KLHL32: variants seen among roughly 807,000 people sequenced by gnomAD.
KLHL32 encodes the protein kelch-like protein 32.
In KLHL32, 35 loss-of-function variants were observed where a neutral mutation model predicts 64.8. That is an observed-to-expected ratio of 0.54 (90% confidence interval 0.41 to 0.72). KLHL32 has a LOEUF of 0.72. KLHL32 is among the 30% of genes least tolerant of loss of function. The pLI is 0.00. For synonymous variants in KLHL32, 259 were observed against 281.0 expected, an observed-to-expected ratio of 0.92 and a Z score of 0.78; for missense variants, 589 against 768.5, an observed-to-expected ratio of 0.77 and a Z score of 2.76.
intron 3 of KLHL32, among the ~76,000 whole-genome samples, chr6:97,014,848 G>A (rs1004558315): frequency 1.1e-4 from 16 of 152,208 alleles, no homozygotes; most frequent in African/African-American, 3.9e-4. Context: ...TAGTATGAGA[G>A]CAAAGGTTGT....
In KLHL32 at chr6:96,996,026, G is replaced by C. The variant is rs115930562; in HGVS notation, c.204+19849G>C. Among the ~76,000 whole-genome samples the C allele has an allele frequency of 4.0e-3, 611 of 152,326 alleles. 2 individuals carry two copies. Among genetic ancestry groups the C allele is most frequent in the African/African-American group, 0.014 (579 of 41,574 alleles). ...GAAATGAGGGGCCTCGAGTGGTGGGGACAAGTCAGCCTCTTCTCCCTGCTT... is the reference window on the plus strand; with the variant it reads ...GAAATGAGGGGCCTCGAGTGGTGGGCACAAGTCAGCCTCTTCTCCCTGCTT... On this transcript the variant is annotated intron_variant, in intron 3 of 10. Transcript: ENST00000369261.
At position 96,994,871 on chromosome 6, in the gene KLHL32, A is replaced by C. The variant is rs775219553; in HGVS notation, c.204+18694A>C. ...CAAAGTGCAAAGTAGTTGTGGAAAG[A>C]AGAAAGGGATGAGCTTATGAGTCAG... On this transcript the variant is annotated intron_variant, in intron 3 of 10. Coordinates refer to ENST00000369261, the MANE Select transcript of KLHL32 (RefSeq NM_052904.4). 2.6e-4 allele frequency among the ~76,000 whole-genome samples: 39 copies of C among 152,234 alleles called. 2 individuals carry two copies. The highest frequency in any genetic ancestry group is 2.9e-4 in the Non-Finnish European group (20 of 68,034).
chr6:97,079,300 A>G (rs753965119), intron 5 of KLHL32, among the ~76,000 whole-genome samples: 2 of 152,194 alleles, frequency 1.3e-5, no homozygotes, highest in African/African-American at 2.4e-5. Flanking sequence ...ACCGAGGCCA[A>G]GACTCCTCCT....
chr6:97,009,924 C>T (rs1780152102), intron 3 of KLHL32, among the ~76,000 whole-genome samples: 1 of 151,962 alleles, frequency 6.6e-6, no homozygotes, highest in African/African-American at 2.4e-5. Flanking sequence ...TTGATACCAG[C>T]TCTGGGGACT....
At chr6:97,001,234 C>T (rs1319516115) in intron 3 of KLHL32, among the ~76,000 whole-genome samples, 2 of 152,188 alleles carry the variant, frequency 1.3e-5, no homozygotes, top group Non-Finnish European at 2.9e-5. Flanking sequence ...ACTGGTGGGG[C>T]ATGTTGATGG....
At chr6:97,064,174 T>G (rs1242254540) in intron 4 of KLHL32, among the ~76,000 whole-genome samples, 2 of 152,238 alleles carry the variant, frequency 1.3e-5, no homozygotes, top group African/African-American at 4.8e-5. Flanking sequence ...TCTGGTCTTA[T>G]ATGGCAAGGA....
upstream of KLHL32, among the ~76,000 whole-genome samples, chr6:96,924,295 G>A (rs988724113): frequency 3.3e-5 from 5 of 152,288 alleles, no homozygotes; most frequent in South Asian, 2.1e-4. Context: ...CCTGGGAAAG[G>A]AGTCTGGGGG....
At position 97,074,753 on chromosome 6, in the gene KLHL32, T is replaced by G. The variant is rs532624183; in HGVS notation, c.411+10027T>G. On this transcript the variant is annotated intron_variant, in intron 5 of 10. Coordinates refer to ENST00000369261, the MANE Select transcript of KLHL32 (RefSeq NM_052904.4). ...ATAGATGATAATGACTTCTATACTA[T>G]TCTTTTAAACATTTTTAAACTGATT... Among the ~76,000 whole-genome samples the G allele has an allele frequency of 1.5e-3, 234 of 152,072 alleles. 1 individual carries two copies. Among genetic ancestry groups the G allele is most frequent in the African/African-American group, 5.2e-3 (217 of 41,552 alleles).
intron 7 of KLHL32, among the ~76,000 whole-genome samples, chr6:97,120,495 G>GT (rs1562359492): frequency 1.3e-5 from 2 of 152,146 alleles, no homozygotes; most frequent in East Asian, 3.9e-4. Flanking sequence ...AATTTCTGTC[G>GT]TTTTATGGTG....
chr6:97,128,506 C>T (rs1433549616), intron 8 of KLHL32, among the ~76,000 whole-genome samples: 1 of 152,208 alleles, frequency 6.6e-6, no homozygotes, highest in East Asian at 1.9e-4. Context: ...AAAAATTCTG[C>T]TGGCATATTG....
the KLHL32 span, among the ~76,000 whole-genome samples, chr6:96,905,199 T>G: frequency 6.6e-6 from 1 of 152,134 alleles, no homozygotes; most frequent in African/African-American, 2.4e-5. Flanking sequence ...AGTGAAAAGA[T>G]GCAAAGAACA....
intron 7 of KLHL32, among the ~76,000 whole-genome samples, chr6:97,125,877 T>C (rs570591802): frequency 6.6e-6 from 1 of 152,348 alleles, no homozygotes; most frequent in East Asian, 1.9e-4. Context: ...CTCTGGACTT[T>C]AAGGAAGATA....
chr6:96,972,534 T>G (rs1775228140), intron 2 of KLHL32, among the ~76,000 whole-genome samples: 3 of 152,206 alleles, frequency 2.0e-5, no homozygotes, highest in Non-Finnish European at 4.4e-5. Context: ...GCCAGGACAC[T>G]GTCTGCACTC....
At chr6:97,032,808 A>G (rs552079824) in intron 3 of KLHL32, among the ~76,000 whole-genome samples, 7 of 152,340 alleles carry the variant, frequency 4.6e-5, no homozygotes, top group Non-Finnish European at 7.4e-5. Context: ...AAGCAAATTC[A>G]ACATTTTATA....
intron 1 of KLHL32, 59 bp from the exon 2 acceptor site, chr6:96,966,937 C>T: frequency 1.3e-6 from 1 of 776,864 alleles, no homozygotes; most frequent in Non-Finnish European, 2.2e-6. Context: ...CAGGAAGACC[C>T]AGAGTGTGCT....
chr6:97,059,466 C>T, intron 4 of KLHL32, among the ~76,000 whole-genome samples: 1 of 152,172 alleles, frequency 6.6e-6, no homozygotes. Context: ...TGGAGCACTT[C>T]AACAGGCATA....
At chr6:97,012,401 T>C (rs963571400) in intron 3 of KLHL32, among the ~76,000 whole-genome samples, 1 of 152,146 alleles carries the variant, frequency 6.6e-6, no homozygotes, top group Non-Finnish European at 1.5e-5. Context: ...GAGGAGACCA[T>C]GAAACAAGTG....
intron 5 of KLHL32, among the ~76,000 whole-genome samples, chr6:97,076,163 C>A (rs1562310237): frequency 6.6e-6 from 1 of 152,068 alleles, no homozygotes. Flanking sequence ...ATCTGTTCTC[C>A]CTGCTTATCT....
chr6:97,038,755 C>A (rs1784663123), intron 3 of KLHL32, among the ~76,000 whole-genome samples: 2 of 151,618 alleles, frequency 1.3e-5, no homozygotes, highest in African/African-American at 2.4e-5. Context: ...ATCTGCACTC[C>A]CATGTTTATT....
Sources: allele counts gnomAD v4.1 joint callset (sites outside exome capture counted in the v4.1 genomes callset), GRCh38; gene constraint gnomAD v4.1.1; transcripts MANE v1.5; gene names NCBI Gene and HGNC (gene_info 2026-07-23, HGNC 2026-07-21).